The following WDR25 variants were observed in gnomAD, a reference collection of about 807,000 sequenced individuals.
The protein encoded by WDR25 is WD repeat-containing protein 25.
Under a neutral mutation model 47.7 loss-of-function variants are expected in WDR25, and 35 were observed. The observed-to-expected ratio is 0.73, with a 90% confidence interval of 0.56 to 0.97. WDR25 has a LOEUF of 0.97. Among genes scored for constraint, WDR25 ranks in the 50% least tolerant of loss-of-function variants. The pLI is 0.00. For missense variants in WDR25, 634 were observed against 704.7 expected (o/e 0.90, Z 1.14); for synonymous variants, 248 against 278.9 (o/e 0.89, Z 1.10).
Position 100,459,915 on chromosome 14 carries a change from TATATATATATATATATATATATATACAC to T in WDR25, c.823-8102_823-8075del, listed in dbSNP as rs1350464019. Among the ~76,000 whole-genome samples the T allele has an allele frequency of 2.8e-4, 28 of 100,916 alleles. 1 individual carries two copies. In the East Asian group the frequency reaches 2.8e-3, roughly 10 times the overall value. The allele number at this position is 100,916 out of a possible 152,430, so 66.2% of individuals were successfully genotyped here. ...GTGTGTATATATATATATATATATA[TATATATATATATATATATATATATACAC>T]ATACACATACACACACATATACACA... On this transcript the variant is annotated intron_variant, in intron 2 of 6. Transcript: ENST00000402312.
In WDR25 at chr14:100,381,614, A is replaced by G; in HGVS notation, c.690A>G (p.Lys230=). The G allele has an allele frequency of 6.2e-7, 1 of 1,608,724 alleles. No individual in the cohort carries two copies. The highest frequency in any genetic ancestry group is 8.5e-7 in the Non-Finnish European group (1 of 1,175,822). ...FIQPYLNSHY[K]ETTVPRKVLF... is the part of the protein sequence containing the mutation. The stretch of plus-strand genomic sequence containing the variant: ...AGCCATATTTGAATAGCCATTATAA[A>G]GAAACCACAGTTCCCCGGAAAGTGC... The change falls in exon 2 of 7, where the codon AAA becomes AAG. Residue 230 remains lysine, a synonymous_variant. Transcript: ENST00000402312.
At chr14:100,414,052 G>A (rs1897794627) in intron 2 of WDR25, among the ~76,000 whole-genome samples, 1 of 150,934 alleles carries the variant, frequency 6.6e-6, no homozygotes, top group Non-Finnish European at 1.5e-5. Context: ...CTTGAGTGCA[G>A]TGGTGCAATC....
intron 2 of WDR25, among the ~76,000 whole-genome samples, chr14:100,429,878 G>A (rs58285147): frequency 6.6e-6 from 1 of 151,966 alleles, no homozygotes; most frequent in Non-Finnish European, 1.5e-5. Flanking sequence ...TGTAAAGATA[G>A]TAATCCTGTT....
chr14:100,527,590 G>A (rs1395744434), intron 5 of WDR25, among the ~76,000 whole-genome samples: 1 of 152,218 alleles, frequency 6.6e-6, no homozygotes, highest in Non-Finnish European at 1.5e-5. Flanking sequence ...AACCCATTGG[G>A]CAGGACAGGC....
chr14:100,387,842 CA>C (rs1897053152), intron 2 of WDR25, among the ~76,000 whole-genome samples: 1 of 152,202 alleles, frequency 6.6e-6, no homozygotes, highest in Admixed American at 6.5e-5. Context: ...TCCCAGCTTC[CA>C]AATTTTGTGG....
chr14:100,439,803 A>G (rs1465872001), intron 2 of WDR25, among the ~76,000 whole-genome samples: 1 of 152,240 alleles, frequency 6.6e-6, no homozygotes, highest in Non-Finnish European at 1.5e-5. Flanking sequence ...TCTCCATTCA[A>G]TATAATAAAT....
intron 2 of WDR25, among the ~76,000 whole-genome samples, chr14:100,442,235 G>A (rs1470263794): frequency 6.6e-6 from 1 of 152,060 alleles, no homozygotes; most frequent in African/African-American, 2.4e-5. Flanking sequence ...TTTGTGGCTA[G>A]CCCTCTGCTG....
intron 3 of WDR25, among the ~76,000 whole-genome samples, chr14:100,478,718 C>T (rs1336340319): frequency 6.6e-6 from 1 of 152,120 alleles, no homozygotes; most frequent in Non-Finnish European, 1.5e-5. Context: ...AAATAACATT[C>T]AGATTTTTTG....
Position 100,381,542 on chromosome 14 carries a change from T to G in WDR25, c.618T>G (p.Arg206=), listed in dbSNP as rs1470774093. ...DVEPQGPPAG[R]APAPLYVGPG... Reference sequence around the variant, plus strand: ...AGCCACAGGGGCCCCCTGCAGGGCGTGCCCCAGCCCCTCTCTACGTGGGCC... The same window carrying G: ...AGCCACAGGGGCCCCCTGCAGGGCGGGCCCCAGCCCCTCTCTACGTGGGCC... Residue 206 remains arginine (R), a synonymous_variant, in exon 2 of 7, where the codon CGT becomes CGG. Coordinates refer to ENST00000402312, the MANE Select transcript of WDR25 (RefSeq NM_001161476.3). 1 of 1,614,076 alleles carries G rather than the reference T, an allele frequency of 6.2e-7. No homozygotes were observed. Among genetic ancestry groups the G allele is most frequent in the South Asian group, 1.1e-5 (1 of 91,078 alleles).
At chr14:100,444,094 G>C (rs879510987) in intron 2 of WDR25, among the ~76,000 whole-genome samples, 10 of 152,190 alleles carry the variant, frequency 6.6e-5, no homozygotes, top group Non-Finnish European at 1.5e-4. Context: ...AGCAGCTGTG[G>C]CCTCAGGATT....
chr14:100,407,560 G>A lies in WDR25; in HGVS notation c.822+25814G>A, dbSNP rs766069922. 10 of 152,460 alleles carry A rather than the reference G, an allele frequency of 6.6e-5. No homozygotes were observed. The highest frequency in any genetic ancestry group is 1.2e-4 in the Non-Finnish European group (8 of 68,176). The allele number at this position is 152,460 out of a possible 1,614,324, so 9.4% of individuals were successfully genotyped here. ...GTCAGTGTGCCCTTGTGGGAAGCCG[G>A]TGCGTTTCCAGGGGAGCTGCTGGAG... On this transcript the variant is annotated intron_variant, in intron 2 of 6. Coordinates refer to ENST00000402312, the MANE Select transcript of WDR25 (RefSeq NM_001161476.3). This position sits in a 1 kb window ranked among gnomAD's most constrained non-coding sequence, Gnocchi z 4.1.
chr14:100,481,249 A>C, intron 3 of WDR25: 1 of 595,164 alleles, frequency 1.7e-6, no homozygotes, highest in Non-Finnish European at 3.1e-6. Context: ...CTGATGAAGC[A>C]GGAGAGAAAG....
intron 4 of WDR25, among the ~76,000 whole-genome samples, chr14:100,486,038 CA>C (rs1284190894): frequency 6.8e-6 from 1 of 147,802 alleles, no homozygotes. Context: ...GAAGTGGACA[CA>C]GTGGCATTAA....
rs1295645922 is a variant in WDR25, at chr14:100,413,542, T to TCCAGCCTC, written c.822+31796_822+31797insCCAGCCTC. Among the ~76,000 whole-genome samples the TCCAGCCTC allele has an allele frequency of 1.8e-4, 27 of 151,802 alleles. No individual in the cohort carries two copies. In the East Asian group the frequency reaches 4.5e-3, roughly 25 times the overall value. ...CATTCTCCTGCCTCAGCCTCCCGAGTAGCTGGGACTACAGGCGCCCACCAC... is the reference window on the plus strand; with the variant it reads ...CATTCTCCTGCCTCAGCCTCCCGAGTCCAGCCTCAGCTGGGACTACAGGCGCCCACCAC... On this transcript the variant is annotated intron_variant, in intron 2 of 6. Coordinates refer to ENST00000402312, the MANE Select transcript of WDR25 (RefSeq NM_001161476.3).
At chr14:100,501,634 G>A (rs528563103) in intron 4 of WDR25, among the ~76,000 whole-genome samples, 1 of 152,300 alleles carries the variant, frequency 6.6e-6, no homozygotes, top group African/African-American at 2.4e-5. Context: ...AGGATGTGGG[G>A]GAAAGAACCT....
Position 100,443,030 on chromosome 14 carries a change from C to T in WDR25, c.823-24991C>T, listed in dbSNP as rs1424665047. Among the ~76,000 whole-genome samples, 5 of 152,252 alleles carry T rather than the reference C, an allele frequency of 3.3e-5. No individual in the cohort carries two copies. In the East Asian group the frequency reaches 7.7e-4, roughly 23 times the overall value. ...ACCGCACTGCTCGGCAGGCCCCAGG[C>T]GCTCGCACACAGGTGCCCACTGCTC... On this transcript the variant is annotated intron_variant, in intron 2 of 6. Coordinates refer to ENST00000402312, the MANE Select transcript of WDR25 (RefSeq NM_001161476.3).
intron 2 of WDR25, among the ~76,000 whole-genome samples, chr14:100,383,726 G>A (rs541515545): frequency 1.3e-5 from 2 of 152,364 alleles, no homozygotes; most frequent in Admixed American, 1.3e-4. Context: ...CACCTGAGTA[G>A]AGGCATTGAT....
chr14:100,412,973 G>T (rs536429893), intron 2 of WDR25, among the ~76,000 whole-genome samples: 1 of 152,046 alleles, frequency 6.6e-6, no homozygotes, highest in Non-Finnish European at 1.5e-5. Context: ...GGGATTACAG[G>T]CACCCACCAC....
At chr14:100,429,383 A>T (rs186633363) in intron 2 of WDR25, among the ~76,000 whole-genome samples, 22 of 152,258 alleles carry the variant, frequency 1.4e-4, no homozygotes, top group African/African-American at 5.1e-4. Flanking sequence ...GAAAGAGGAG[A>T]AGAAGTTGCC....
Sources: allele counts gnomAD v4.1 joint callset (sites outside exome capture counted in the v4.1 genomes callset), GRCh38; gene constraint gnomAD v4.1.1; non-coding constraint Gnocchi (gnomAD v3.1); transcripts MANE v1.5; gene names NCBI Gene and HGNC (gene_info 2026-07-23, HGNC 2026-07-21).